The following GLIS3 variants were observed in gnomAD, a reference collection of about 807,000 sequenced individuals.
The protein encoded by GLIS3 is GLIS family zinc finger 3.
GLIS3 carries 53 observed loss-of-function variants against 78.6 expected under a neutral mutation model. That is an observed-to-expected ratio of 0.67 (90% confidence interval 0.54 to 0.85). The LOEUF is 0.85. Among genes scored for constraint, GLIS3 ranks in the 40% least tolerant of loss-of-function variants. GLIS3 has a pLI of 0.00. For synonymous variants in GLIS3, 684 were observed against 509.9 expected (o/e 1.34, Z -4.60); for missense variants, 1,703 against 1,231.1 (o/e 1.38, Z -5.74).
At chr9:4,055,134 T>A (rs1168424241) in intron 4 of GLIS3, among the ~76,000 whole-genome samples, 1 of 152,230 alleles carries the variant, frequency 6.6e-6, no homozygotes, top group Non-Finnish European at 1.5e-5. Context: ...TACTTCTGCA[T>A]CCTGAACCAA....
At chr9:4,461,112 T>G in the GLIS3 span, among the ~76,000 whole-genome samples, 2 of 152,230 alleles carry the variant, frequency 1.3e-5, no homozygotes, top group Admixed American at 6.5e-5. Flanking sequence ...ATGTCACTCT[T>G]TTTCTGTGAT....
At chr9:3,993,945 C>A (rs2129820680) in intron 4 of GLIS3, among the ~76,000 whole-genome samples, 1 of 152,172 alleles carries the variant, frequency 6.6e-6, no homozygotes, top group Non-Finnish European at 1.5e-5. Context: ...CTGTTCTAAC[C>A]CAGGCTTCCC....
chr9:4,383,862 C>T, the GLIS3 span, among the ~76,000 whole-genome samples: 2 of 152,136 alleles, frequency 1.3e-5, no homozygotes, highest in South Asian at 2.1e-4. Flanking sequence ...ACTGGATCTC[C>T]AGTAGTTGAA....
intron 4 of GLIS3, among the ~76,000 whole-genome samples, chr9:3,984,533 A>C (rs936139698): frequency 6.6e-6 from 1 of 152,190 alleles, no homozygotes; most frequent in African/African-American, 2.4e-5. Flanking sequence ...CATCATATCT[A>C]GGAAGTAAGT....
the GLIS3 span, among the ~76,000 whole-genome samples, chr9:4,487,415 A>C: frequency 3.3e-5 from 5 of 152,208 alleles, no homozygotes; most frequent in African/African-American, 1.2e-4. Flanking sequence ...AAAGATAATT[A>C]ATGCCCCCAT....
chr9:4,433,080 T>C, the GLIS3 span, among the ~76,000 whole-genome samples: 1 of 152,220 alleles, frequency 6.6e-6, no homozygotes, highest in Non-Finnish European at 1.5e-5. Context: ...TCAACCAACA[T>C]GCCCAGAAAA....
At chr9:4,323,503 T>C (rs917131308) in intron 2 of GLIS3, among the ~76,000 whole-genome samples, 3 of 152,258 alleles carry the variant, frequency 2.0e-5, no homozygotes, top group African/African-American at 7.2e-5. Context: ...TATTCCATTA[T>C]GTGAATGCCT....
At chr9:4,189,885 T>A (rs1474158180) in intron 2 of GLIS3, among the ~76,000 whole-genome samples, 1 of 152,140 alleles carries the variant, frequency 6.6e-6, no homozygotes, top group Non-Finnish European at 1.5e-5. Context: ...TGAGCCTATG[T>A]GTGTCTGCAC....
intron 4 of GLIS3, among the ~76,000 whole-genome samples, chr9:3,949,643 G>A (rs866364282): frequency 6.6e-6 from 1 of 152,144 alleles, no homozygotes. Flanking sequence ...TAACTTTACT[G>A]GTGGGAAAAA....
chr9:4,341,840 G>A (rs1817837820), intron 2 of GLIS3, among the ~76,000 whole-genome samples: 1 of 152,080 alleles, frequency 6.6e-6, no homozygotes, highest in African/African-American at 2.4e-5. Context: ...CCACGTTACT[G>A]ATTAAATCTC....
At chr9:3,884,910 ACT>A (rs1047029232) in intron 7 of GLIS3, among the ~76,000 whole-genome samples, 40 of 152,144 alleles carry the variant, frequency 2.6e-4, no homozygotes, top group Admixed American at 8.5e-4. Context: ...GCCCCTGAAC[ACT>A]CTGTTTGCAA....
In GLIS3 at chr9:4,007,659, T is replaced by C. The variant is rs572990068; in HGVS notation, c.1711-70470A>G. Among the ~76,000 whole-genome samples, 20 of 152,192 alleles carry C rather than the reference T, an allele frequency of 1.3e-4. No individual in the cohort carries two copies. The East Asian group carries it at 3.7e-3, about 28-fold the overall frequency. Reference sequence around the variant, plus strand: ...CTCTGAAAAAGAAACTGATGAAATATACCAATTTTTGTAGGCACACATGGG... The same window carrying C: ...CTCTGAAAAAGAAACTGATGAAATACACCAATTTTTGTAGGCACACATGGG... On this transcript the variant is annotated intron_variant, in intron 4 of 10. Coordinates refer to ENST00000381971, the MANE Select transcript of GLIS3 (RefSeq NM_001042413.2).
At chr9:4,149,032 A>G (rs7030991) in intron 2 of GLIS3, among the ~76,000 whole-genome samples, 3,048 of 152,242 alleles carry the variant, frequency 0.02, 37 homozygotes, top group African/African-American at 0.036. Flanking sequence ...TCCTCTCCAA[A>G]TACTCCAAAG....
chr9:4,042,184 A>T (rs554763852), intron 4 of GLIS3, among the ~76,000 whole-genome samples: 1 of 152,158 alleles, frequency 6.6e-6, no homozygotes, highest in Non-Finnish European at 1.5e-5. Flanking sequence ...GAAGGAAGGA[A>T]GGATGAGTGG....
intron 4 of GLIS3, among the ~76,000 whole-genome samples, chr9:4,114,157 T>C (rs930615526): frequency 2.6e-5 from 4 of 152,108 alleles, no homozygotes; most frequent in Non-Finnish European, 4.4e-5. Flanking sequence ...CTGCCCCAGA[T>C]AGGCAGACAG....
the GLIS3 span, among the ~76,000 whole-genome samples, chr9:4,356,309 G>C: frequency 6.6e-6 from 1 of 152,186 alleles, no homozygotes; most frequent in African/African-American, 2.4e-5. Context: ...AAGTGATCCA[G>C]TGTCTTTCTT....
At chr9:4,298,379 G>A in intron 1 of GLIS3, 1 of 456,404 alleles carries the variant, frequency 2.2e-6, no homozygotes, top group Non-Finnish European at 4.4e-6. Context: ...TCTCCCGCCA[G>A]GTACCTAATT....
At chr9:4,145,348 A>G (rs1834134615) in intron 2 of GLIS3, among the ~76,000 whole-genome samples, 2 of 152,234 alleles carry the variant, frequency 1.3e-5, no homozygotes, top group Non-Finnish European at 2.9e-5. Flanking sequence ...TGGTAAATGA[A>G]AAACTACACC....
intron 4 of GLIS3, among the ~76,000 whole-genome samples, chr9:4,025,577 G>A (rs577595278): frequency 2.7e-4 from 41 of 152,130 alleles, no homozygotes; most frequent in South Asian, 1.5e-3. Flanking sequence ...TAGTAGAGAC[G>A]GGGTTTCACC....
Sources: allele counts gnomAD v4.1 joint callset (sites outside exome capture counted in the v4.1 genomes callset), GRCh38; gene constraint gnomAD v4.1.1; transcripts MANE v1.5; gene names NCBI Gene and HGNC (gene_info 2026-07-23, HGNC 2026-07-21).